Variants in CMTR1 observed in about 807,000 individuals in gnomAD.
CMTR1 encodes the protein cap methyltransferase 1.
In CMTR1, 39 loss-of-function variants were observed where a neutral mutation model predicts 107.0. The observed-to-expected ratio is 0.36, with a 90% CI of 0.28 to 0.48. The LOEUF is 0.48. Among genes scored for constraint, CMTR1 ranks in the 20% least tolerant of loss-of-function variants. The probability of loss-of-function intolerance (pLI) is 0.99; values close to 1 mark genes in which losing one functional copy is unlikely to be tolerated. For missense variants in CMTR1, 672 were observed against 1,064.9 expected (o/e 0.63, Z 5.14); for synonymous variants, 366 against 379.5 (o/e 0.96, Z 0.41).
At chr6:37,443,898 C>A in intron 2 of CMTR1, 101 bp from the exon 3 acceptor site, 1 of 1,266,458 alleles carries the variant, frequency 7.9e-7, no homozygotes, top group Non-Finnish European at 1.1e-6. Context: ...TTTATATGTG[C>A]ATTGTGTATA....
intron 8 of CMTR1, among the ~76,000 whole-genome samples, chr6:37,454,217 C>T (rs1351832212): frequency 6.6e-6 from 1 of 152,220 alleles, no homozygotes; most frequent in Non-Finnish European, 1.5e-5. Flanking sequence ...CTGCTTCACT[C>T]ACCCTCATTC....
At chr6:37,451,188 C>CTAGA (rs1488354415) in intron 5 of CMTR1, among the ~76,000 whole-genome samples, 2 of 151,856 alleles carry the variant, frequency 1.3e-5, no homozygotes, top group African/African-American at 4.8e-5. Flanking sequence ...TATTTGAATT[C>CTAGA]TAGATAATAG....
chr6:37,432,889 G>T (rs1374702884), upstream of CMTR1, among the ~76,000 whole-genome samples: 2 of 152,198 alleles, frequency 1.3e-5, no homozygotes, highest in African/African-American at 2.4e-5. Flanking sequence ...AGAACACTGC[G>T]TTCGCTCAAC....
Position 37,480,366 on chromosome 6 carries a change from C to A in CMTR1, c.*221C>A. The A allele has an allele frequency of 7.4e-7, 1 of 1,350,484 alleles. No individual in the cohort carries two copies. The highest frequency in any genetic ancestry group is 9.4e-7 in the Non-Finnish European group (1 of 1,060,508). 83.7% of individuals were successfully genotyped at this position (1,350,484 alleles called of 1,614,324 possible). On this transcript the variant is annotated 3_prime_UTR_variant, in exon 24 of 24. Transcript: ENST00000373451. ...TCTGGGACACCTGCCTGGGAACTTT[C>A]CCCTGCCAGGACTCAGCCTGAAGGA...
At chr6:37,471,671 A>G (rs1761629912) in intron 14 of CMTR1, among the ~76,000 whole-genome samples, 176 bp from the exon 15 acceptor site, 3 of 152,174 alleles carry the variant, frequency 2.0e-5, no homozygotes, top group African/African-American at 7.2e-5. Flanking sequence ...TCCTGTCTTC[A>G]AAAGGAGAGC....
At chr6:37,473,421 C>G (rs1300137217) in intron 16 of CMTR1, 49 bp from the exon 17 acceptor site, 9 of 1,590,484 alleles carry the variant, frequency 5.7e-6, no homozygotes, top group Non-Finnish European at 6.8e-6. Context: ...GGCACCCATA[C>G]TGTCCCTTCC....
At position 37,458,597 on chromosome 6, in the gene CMTR1, C is replaced by T; in HGVS notation, c.778-15C>T. ...TTGTTTTCCTTCCTCTCCTGTCCTC[C>T]ACTTGCCTTTGCAGAAGCCACTGGT... is the stretch of plus-strand genomic sequence containing the variant. On this transcript the variant is annotated splice_polypyrimidine_tract_variant and intron_variant, in intron 8 of 23. Coordinates refer to ENST00000373451, the MANE Select transcript of CMTR1 (RefSeq NM_015050.3). The surrounding 1 kb of genome is among the most constrained non-coding windows in gnomAD (Gnocchi z 4.7). The T allele has an allele frequency of 6.2e-7, 1 of 1,612,272 alleles. No individual in the cohort carries two copies. Among genetic ancestry groups the T allele is most frequent in the Non-Finnish European group, 8.5e-7 (1 of 1,179,766 alleles).
chr6:37,480,944 C>T lies in CMTR1; in HGVS notation c.*799C>T. 2 of 1,237,668 alleles carry T rather than the reference C, an allele frequency of 1.6e-6. No individual in the cohort carries two copies. The highest frequency in any genetic ancestry group is 2.1e-6 in the Non-Finnish European group (2 of 964,408). The allele number at this position is 1,237,668 out of a possible 1,614,324, so 76.7% of individuals were successfully genotyped here. A position where few individuals can be genotyped will look rare whatever the true frequency, so the allele number is the denominator to read the frequency against. ...AGCAGCCTTGAAGACCCGTCTTTCC[C>T]CCACAGCAGCAGGGGCCCCAGCAGT... On this transcript the variant is annotated 3_prime_UTR_variant, in exon 24 of 24. Coordinates refer to ENST00000373451, the MANE Select transcript of CMTR1 (RefSeq NM_015050.3).
chr6:37,444,201 G>C (rs1771735166), intron 3 of CMTR1, 51 bp downstream of exon 3: 6 of 1,582,898 alleles, frequency 3.8e-6, no homozygotes, highest in African/African-American at 1.4e-5. Flanking sequence ...CAGAGTGAAA[G>C]AAGGGCAATT....
chr6:37,475,911 T>C (rs1761726827), intron 19 of CMTR1: 1 of 565,448 alleles, frequency 1.8e-6, no homozygotes, highest in South Asian at 2.0e-5. Flanking sequence ...CATAGTGAAA[T>C]TAGAGGTCAG....
At chr6:37,433,435 CCTT>C (rs1392308706) in intron 1 of CMTR1, 58 bp downstream of exon 1, 1 of 152,566 alleles carries the variant, frequency 6.6e-6, no homozygotes, top group Non-Finnish European at 1.5e-5. Flanking sequence ...GGCTCAGCAT[CCTT>C]CTCCCCTCCA....
intron 2 of CMTR1, among the ~76,000 whole-genome samples, chr6:37,440,953 G>A (rs895862216): frequency 2.6e-5 from 4 of 152,150 alleles, no homozygotes; most frequent in African/African-American, 7.2e-5. Flanking sequence ...GAAGGATACC[G>A]GGTTTTCAGA....
At chr6:37,448,429 T>A (rs1771856466) in intron 4 of CMTR1, among the ~76,000 whole-genome samples, 1 of 152,128 alleles carries the variant, frequency 6.6e-6, no homozygotes, top group South Asian at 2.1e-4. Context: ...ATAGGGACAT[T>A]GAGTCTGCTT....
rs111718760 is a variant in CMTR1, at chr6:37,475,972, C to T, written c.2037-154C>T. ...AAGACGTCGGTGGAGAAGGGCAGGG[C>T]GGGCTTCCTGGGGGACATGGGTGCT... On this transcript the variant is annotated intron_variant, in intron 19 of 23. Transcript: ENST00000373451. The T allele has an allele frequency of 9.7e-5, 66 of 681,298 alleles. 1 individual carries two copies. The highest frequency in any genetic ancestry group is 9.6e-4 in the Middle Eastern group (3 of 3,114). The allele number at this position is 681,298 out of a possible 1,614,324, so 42.2% of individuals were successfully genotyped here.
intron 21 of CMTR1, 96 bp downstream of exon 21, chr6:37,477,735 C>CGGGGGGTGGGGGGG: frequency 2.7e-6 from 1 of 373,476 alleles, no homozygotes; most frequent in South Asian, 4.6e-5. Flanking sequence ...GGGTCGGGGG[C>CGGGGGGTGGGGGGG]GGGGGGTGGT....
chr6:37,481,037 AG>A lies in CMTR1; in HGVS notation c.*893del. 1 of 1,304,210 alleles carries A rather than the reference AG, an allele frequency of 7.7e-7. No homozygotes were observed. The highest frequency in any genetic ancestry group is 2.1e-4 in the Middle Eastern group (1 of 4,686). The allele number at this position is 1,304,210 out of a possible 1,614,324, so 80.8% of individuals were successfully genotyped here. The stretch of plus-strand genomic sequence containing the variant: ...GCAGTCATGCACCGCTGTCTGCCAT[AG>A]CCGCTCTAGGGTCTTGGCAGAATTC... On this transcript the variant is annotated 3_prime_UTR_variant, in exon 24 of 24. Transcript: ENST00000373451.
chr6:37,446,468 A>C lies in CMTR1; in HGVS notation c.444+19A>C. ...GCCAGAGGTAAGTGTTAAAGTGAGG[A>C]GGAGATGGAAAAGCCACTTGTGTTT... On this transcript the variant is annotated intron_variant, in intron 4 of 23. Transcript: ENST00000373451. The C allele has an allele frequency of 6.3e-7, 1 of 1,597,678 alleles. No homozygotes were observed. The highest frequency in any genetic ancestry group is 1.1e-5 in the South Asian group (1 of 89,336).
At chr6:37,471,925 T>C (rs1265198567) in intron 15 of CMTR1, 21 bp downstream of exon 15, 1 of 1,610,010 alleles carries the variant, frequency 6.2e-7, no homozygotes, top group East Asian at 2.2e-5. Flanking sequence ...CCCCCGCCCA[T>C]TGCTGCTTCA....
Position 37,462,028 on chromosome 6 carries a change from C to G in CMTR1, c.1251C>G (p.Val417=), listed in dbSNP as rs779662605. ...DLFTPFSVGL[V]YLLYCCFERV... is the part of the protein sequence containing the mutation. ...TCACACCGTTTAGTGTGGGGCTTGT[C>G]TACCTGCTGTACTGCTGCTTTGAAC... Residue 417 remains valine (V), a synonymous_variant, in exon 12 of 24, where the codon GTC becomes GTG. Coordinates refer to ENST00000373451, the MANE Select transcript of CMTR1 (RefSeq NM_015050.3). The G allele has an allele frequency of 2.5e-6, 4 of 1,613,790 alleles. No individual in the cohort carries two copies. The African/African-American group carries it at 5.3e-5, about 22-fold the overall frequency.
Sources: gnomAD v4.1 joint callset for allele counts (sites outside exome capture counted in the v4.1 genomes callset) on GRCh38, gnomAD v4.1.1 for gene constraint, Gnocchi (gnomAD v3.1) non-coding constraint, MANE v1.5 for transcripts, NCBI Gene and HGNC (gene_info 2026-07-23, HGNC 2026-07-21) for gene names.